Variants in PTPRN2 observed in about 807,000 individuals in gnomAD.
PTPRN2 encodes protein tyrosine phosphatase receptor type N2, also known as receptor-type tyrosine-protein phosphatase N2.
In PTPRN2, 74 loss-of-function variants were observed where a neutral mutation model predicts 118.8. That is an observed-to-expected ratio of 0.62 (90% CI 0.52 to 0.76). The LOEUF is 0.76. Ranked by LOEUF, PTPRN2 falls within the 30% of genes least tolerant of loss-of-function variation. PTPRN2 has a pLI of 0.00. For missense variants in PTPRN2, 1,481 were observed against 1,394.4 expected, an observed-to-expected ratio of 1.06 and a Z score of -0.99; for synonymous variants, 641 against 608.0, an observed-to-expected ratio of 1.05 and a Z score of -0.80.
chr7:158,069,584 G>C (rs982295636), intron 11 of PTPRN2, among the ~76,000 whole-genome samples: 3 of 151,636 alleles, frequency 2.0e-5, no homozygotes, highest in Non-Finnish European at 4.4e-5. Context: ...CCAAAGTGCT[G>C]GGATGACAGG....
chr7:158,144,787 A>G (rs1819740214), intron 6 of PTPRN2, among the ~76,000 whole-genome samples: 1 of 152,220 alleles, frequency 6.6e-6, no homozygotes, highest in African/African-American at 2.4e-5. Context: ...GTCACTGTCA[A>G]CACTGATGAG....
intron 2 of PTPRN2, among the ~76,000 whole-genome samples, chr7:158,456,140 G>A (rs1341270944): frequency 1.4e-5 from 2 of 143,250 alleles, no homozygotes; most frequent in Non-Finnish European, 3.0e-5. Flanking sequence ...CTTCAGAGAA[G>A]ATAACGGCAT....
chr7:157,761,713 C>G (rs1802142145), intron 12 of PTPRN2, among the ~76,000 whole-genome samples: 1 of 148,666 alleles, frequency 6.7e-6, no homozygotes, highest in African/African-American at 2.5e-5. Flanking sequence ...GTCTAAAACG[C>G]CAAAAGCAAT....
rs1483651792 is a variant in PTPRN2, at chr7:158,372,300, TC to T, written c.164-55369del. Among the ~76,000 whole-genome samples, 32 of 133,286 alleles carry T rather than the reference TC, an allele frequency of 2.4e-4. 1 individual carries two copies. The highest frequency in any genetic ancestry group is 9.3e-4 in the African/African-American group (31 of 33,292). The allele number at this position is 133,286 out of a possible 152,430, so 87.4% of individuals were successfully genotyped here. A position where few individuals can be genotyped will look rare whatever the true frequency, so the allele number is the denominator to read the frequency against. ...CCCCAACGCTGGTCCCCGGAGCTGGTCCCCCCAACGCTGGTCCCCGGAGCTG... is the reference window on the plus strand; with the variant it reads ...CCCCAACGCTGGTCCCCGGAGCTGGTCCCCCAACGCTGGTCCCCGGAGCTG... On this transcript the variant is annotated intron_variant, in intron 2 of 22. Transcript: ENST00000389418.
At chr7:158,273,383 G>A (rs929629513) in intron 3 of PTPRN2, among the ~76,000 whole-genome samples, 3 of 152,084 alleles carry the variant, frequency 2.0e-5, no homozygotes, top group African/African-American at 4.8e-5. Context: ...CTGTCCCAGC[G>A]TCGTGGATGC....
At chr7:158,333,851 C>A (rs1414981776) in intron 2 of PTPRN2, among the ~76,000 whole-genome samples, 3 of 143,074 alleles carry the variant, frequency 2.1e-5, no homozygotes, top group Admixed American at 7.1e-5. Context: ...ATAGAGCTGA[C>A]ACCCGCAGAC....
intron 11 of PTPRN2, among the ~76,000 whole-genome samples, chr7:157,949,982 G>T (rs1268178890): frequency 6.6e-6 from 1 of 152,162 alleles, no homozygotes; most frequent in Non-Finnish European, 1.5e-5. Context: ...AGTTATAAAG[G>T]TTGTACTTGA....
At chr7:157,735,713 G>A (rs918956089) in intron 12 of PTPRN2, among the ~76,000 whole-genome samples, 1 of 152,160 alleles carries the variant, frequency 6.6e-6, no homozygotes, top group African/African-American at 2.4e-5. Flanking sequence ...CGGGGCAGGC[G>A]CTTTCTTTAG....
chr7:158,510,443 A>ACT lies in PTPRN2; in HGVS notation c.113-20660_113-20659dup, dbSNP rs10581746. 8.6e-3 allele frequency among the ~76,000 whole-genome samples: 1,267 copies of ACT among 147,616 alleles called. 15 individuals carry two copies. Among genetic ancestry groups the ACT allele is most frequent in the African/African-American group, 0.03 (1,185 of 40,110 alleles). ...TCATTCACACTAAGTGTGTGTGTTTACTCTCTCTCTCTCTCTCTCTCTCTC... is the reference window on the plus strand; with the variant it reads ...TCATTCACACTAAGTGTGTGTGTTTACTCTCTCTCTCTCTCTCTCTCTCTCTC... On this transcript the variant is annotated intron_variant, in intron 1 of 22. Transcript: ENST00000389418.
intron 3 of PTPRN2, among the ~76,000 whole-genome samples, chr7:158,207,463 C>T (rs1827246743): frequency 6.6e-6 from 1 of 152,022 alleles, no homozygotes; most frequent in Non-Finnish European, 1.5e-5. Flanking sequence ...TCTAATTAAA[C>T]TAAAGAGCTT....
At chr7:158,081,195 G>C in intron 11 of PTPRN2, 103 bp downstream of exon 11, 2 of 1,192,806 alleles carry the variant, frequency 1.7e-6, no homozygotes, top group Non-Finnish European at 1.2e-6. Flanking sequence ...CATGTGGGTA[G>C]TGTGAGTCTC....
intron 10 of PTPRN2, 124 bp from the exon 11 acceptor site, chr7:158,081,501 C>A (rs527967082): frequency 2.4e-6 from 2 of 827,196 alleles, no homozygotes; most frequent in South Asian, 2.9e-5. Flanking sequence ...GCTGTGGCTC[C>A]AGGCGTCGAC....
Position 157,594,602 on chromosome 7 carries a change from C to T in PTPRN2, c.2496+636G>A, listed in dbSNP as rs978005858. On this transcript the variant is annotated intron_variant, in intron 17 of 22. Coordinates refer to ENST00000389418, the MANE Select transcript of PTPRN2 (RefSeq NM_002847.5). ...GGTGTGCCCGACACGCGGCCGGTGCCTGTGCTCCTGCGGTAACTCACGGCC... is the reference window on the plus strand; with the variant it reads ...GGTGTGCCCGACACGCGGCCGGTGCTTGTGCTCCTGCGGTAACTCACGGCC... Among the ~76,000 whole-genome samples, 5 of 152,244 alleles carry T rather than the reference C, an allele frequency of 3.3e-5. 1 individual carries two copies. Among genetic ancestry groups the T allele is most frequent in the South Asian group, 4.1e-4 (2 of 4,830 alleles).
chr7:157,733,023 C>T, intron 12 of PTPRN2, among the ~76,000 whole-genome samples: 1 of 31,146 alleles, frequency 3.2e-5, no homozygotes, highest in Non-Finnish European at 6.2e-5. Context: ...TACCCTTTCC[C>T]GTCCCACGCG....
At chr7:158,439,493 G>A (rs1689120747) in intron 2 of PTPRN2, among the ~76,000 whole-genome samples, 1 of 152,176 alleles carries the variant, frequency 6.6e-6, no homozygotes, top group African/African-American at 2.4e-5. Flanking sequence ...GAGAAGAAAG[G>A]AGGAGAAGGA....
intron 3 of PTPRN2, among the ~76,000 whole-genome samples, chr7:158,295,243 G>A (rs1199174312): frequency 2.3e-3 from 30 of 13,318 alleles, no homozygotes; most frequent in Admixed American, 2.4e-3. Flanking sequence ...TGTCTGCCCA[G>A]ACACTGCGCC....
At chr7:158,211,576 C>T (rs1827604149) in intron 3 of PTPRN2, among the ~76,000 whole-genome samples, 1 of 152,120 alleles carries the variant, frequency 6.6e-6, no homozygotes, top group Non-Finnish European at 1.5e-5. Context: ...AGACATTTCT[C>T]AAAAAAGACA....
intron 2 of PTPRN2, among the ~76,000 whole-genome samples, chr7:158,350,682 C>T (rs963799656): frequency 3.9e-5 from 6 of 152,026 alleles, no homozygotes; most frequent in African/African-American, 1.4e-4. Context: ...ACAGGAGAGC[C>T]CCTGCCTCCT....
intron 12 of PTPRN2, among the ~76,000 whole-genome samples, chr7:157,751,762 T>G (rs1563072269): frequency 6.6e-6 from 1 of 151,914 alleles, no homozygotes; most frequent in African/African-American, 2.4e-5. Flanking sequence ...CCCGCACCCT[T>G]TGTTTCATGT....
Sources: allele counts gnomAD v4.1 joint callset (sites outside exome capture counted in the v4.1 genomes callset), GRCh38; gene constraint gnomAD v4.1.1; transcripts MANE v1.5; gene names NCBI Gene and HGNC (gene_info 2026-07-23, HGNC 2026-07-21).